Variants in ARHGEF37 observed in about 807,000 individuals in gnomAD.
ARHGEF37 encodes the protein Rho guanine nucleotide exchange factor 37.
Under a neutral mutation model 71.1 loss-of-function variants are expected in ARHGEF37, and 55 were observed. That is an observed-to-expected ratio of 0.77 (90% CI 0.62 to 0.97). The LOEUF (loss-of-function observed/expected upper bound fraction) is 0.97, where lower values mean the gene tolerates loss of function less well. Among genes scored for constraint, ARHGEF37 ranks in the 50% least tolerant of loss-of-function variants. ARHGEF37 has a pLI of 0.00. For missense variants in ARHGEF37, 765 were observed against 836.8 expected (o/e 0.91, Z 1.06); for synonymous variants, 327 against 350.6 (o/e 0.93, Z 0.75).
rs1752435127 is a variant in ARHGEF37 at position 149,618,258 on chromosome 5, C to T, written c.741C>T (p.Thr247=). ...RINTHTLSKK[T]TRLSQLLKQE... is the part of the protein sequence containing the mutation. ...ACACACACACCCTCTCCAAGAAGAC[C>T]ACCCGGCTGAGCCAGCTGCTGAAGC... The change falls in exon 6 of 13, where the codon ACC becomes ACT. Residue 247 remains threonine (T), a synonymous_variant. Transcript: ENST00000333677. 3 of 1,614,108 alleles carry T rather than the reference C, an allele frequency of 1.9e-6. No individual in the cohort carries two copies. The highest frequency in any genetic ancestry group is 1.3e-5 in the African/African-American group (1 of 74,940).
At position 149,621,942 on chromosome 5, in the gene ARHGEF37, G is replaced by C; in HGVS notation, c.1215G>C (p.Glu405Asp). ...CACTCAACTCGCTGCTAGTGGCTGAGCTCCCACAGTTTAACCAGCTGGTCA... is the reference window on the plus strand; with the variant it reads ...CACTCAACTCGCTGCTAGTGGCTGACCTCCCACAGTTTAACCAGCTGGTCA... ...YQALNSLLVA[E>D]LPQFNQLVMQ... The change falls in exon 9 of 13, where the codon GAG (glutamate) becomes GAC (aspartate). Residue 405 changes from glutamate (E) to aspartate (D), a missense_variant. Physicochemically the swap from Glu to Asp is conservative, Grantham distance 45 (BLOSUM62 2). Transcript: ENST00000333677. The C allele has an allele frequency of 1.2e-6, 2 of 1,614,246 alleles. No homozygotes were observed. The highest frequency in any genetic ancestry group is 1.7e-6 in the Non-Finnish European group (2 of 1,180,044).
chr5:149,628,573 T>G (rs779966848), intron 11 of ARHGEF37, among the ~76,000 whole-genome samples: 1 of 152,148 alleles, frequency 6.6e-6, no homozygotes, highest in Non-Finnish European at 1.5e-5. Context: ...CTATCATAGC[T>G]GATCAAAGGG....
chr5:149,566,737 T>A (rs887537100), intron 1 of ARHGEF37, among the ~76,000 whole-genome samples: 2 of 152,180 alleles, frequency 1.3e-5, no homozygotes, highest in Admixed American at 1.3e-4. Context: ...AGGACCAGTT[T>A]ATTCACTTGT....
chr5:149,598,051 A>G, intron 2 of ARHGEF37, 96 bp downstream of exon 2: 1 of 1,388,790 alleles, frequency 7.2e-7, no homozygotes, highest in South Asian at 1.4e-5. Context: ...CAAGCTTGAC[A>G]GAAAGGAAGC....
intron 1 of ARHGEF37, among the ~76,000 whole-genome samples, chr5:149,564,612 G>A: frequency 6.6e-6 from 1 of 152,134 alleles, no homozygotes; most frequent in Non-Finnish European, 1.5e-5. Context: ...ATCACCTGAG[G>A]CCAGGAGTTC....
intron 1 of ARHGEF37, among the ~76,000 whole-genome samples, chr5:149,575,440 T>G (rs1763014935): frequency 1.3e-5 from 2 of 152,356 alleles, no homozygotes; most frequent in Non-Finnish European, 2.9e-5. Context: ...CATGGCTCTA[T>G]GCTCAGGGGA....
At chr5:149,569,350 A>G (rs1160896904) in intron 1 of ARHGEF37, among the ~76,000 whole-genome samples, 2 of 151,812 alleles carry the variant, frequency 1.3e-5, no homozygotes, top group East Asian at 3.9e-4. Context: ...TGGAGGTCTT[A>G]CTCTGTTGAC....
intron 7 of ARHGEF37, 128 bp from the exon 8 acceptor site, chr5:149,620,226 G>C: frequency 1.6e-6 from 1 of 607,488 alleles, no homozygotes; most frequent in Admixed American, 2.9e-5. Context: ...AATCAGCTGT[G>C]TGTGTCCCTC....
chr5:149,627,002 G>A, intron 10 of ARHGEF37, 74 bp from the exon 11 acceptor site: 1 of 1,477,708 alleles, frequency 6.8e-7, no homozygotes, highest in East Asian at 2.3e-5. Flanking sequence ...CTGTCAAAAT[G>A]TGAGCAAATG....
intron 1 of ARHGEF37, among the ~76,000 whole-genome samples, chr5:149,585,744 C>T (rs976177449): frequency 6.6e-6 from 1 of 152,210 alleles, no homozygotes; most frequent in Admixed American, 6.5e-5. Context: ...GTCTCGAACT[C>T]CTGACCTCAA....
chr5:149,572,348 A>G lies in ARHGEF37; in HGVS notation c.-12+20225A>G, dbSNP rs562587316. Among the ~76,000 whole-genome samples, 11 of 152,350 alleles carry G rather than the reference A, an allele frequency of 7.2e-5. No individual in the cohort carries two copies. The South Asian group carries it at 1.0e-3, about 14-fold the overall frequency. On this transcript the variant is annotated intron_variant, in intron 1 of 2. Coordinates refer to the ARHGEF37 transcript ENST00000505810. ...AGTATGTAAATATTGTTAACTTTAC[A>G]TGGTAGTATTTAAGTTACAGGCTAT... is the stretch of plus-strand genomic sequence containing the variant.
rs1752385422 is a variant in ARHGEF37 at position 149,616,549 on chromosome 5, A to G, written c.459-18A>G. The G allele has an allele frequency of 6.3e-7, 1 of 1,593,550 alleles. No individual in the cohort carries two copies. The highest frequency in any genetic ancestry group is 8.6e-7 in the Non-Finnish European group (1 of 1,168,294). The stretch of plus-strand genomic sequence containing the variant: ...AGAGGGTGGGATTTACCTGCCTAAT[A>G]CCAGCCTTCTCCCTCAGGCCGCAAG... On this transcript the variant is annotated intron_variant, in intron 4 of 12. Transcript: ENST00000333677.
intron 1 of ARHGEF37, among the ~76,000 whole-genome samples, chr5:149,575,367 A>T (rs1468446878): frequency 6.6e-6 from 1 of 152,184 alleles, no homozygotes; most frequent in Non-Finnish European, 1.5e-5. Flanking sequence ...TTGGCTGCCT[A>T]CCTAAGAGCA....
chr5:149,589,948 T>C (rs532902621), intron 1 of ARHGEF37, among the ~76,000 whole-genome samples: 1 of 152,188 alleles, frequency 6.6e-6, no homozygotes, highest in Non-Finnish European at 1.5e-5. Context: ...ATTACAGGCA[T>C]GATCCACTGT....
At chr5:149,601,081 C>G in intron 2 of ARHGEF37, 27 bp from the exon 3 acceptor site, 1 of 1,600,692 alleles carries the variant, frequency 6.2e-7, no homozygotes, top group East Asian at 2.2e-5. Context: ...TCCCAACCAC[C>G]TCTCATGGCT....
At chr5:149,573,536 C>G (rs768013565) in intron 1 of ARHGEF37, among the ~76,000 whole-genome samples, 47 of 152,152 alleles carry the variant, frequency 3.1e-4, no homozygotes, top group South Asian at 6.2e-4. Context: ...TGCCCAGTTA[C>G]TCTTCAACTT....
chr5:149,604,575 C>G (rs1040175432), intron 3 of ARHGEF37, among the ~76,000 whole-genome samples: 2 of 152,042 alleles, frequency 1.3e-5, no homozygotes, highest in Non-Finnish European at 2.9e-5. Flanking sequence ...GTGTGCCAGG[C>G]CAGGCTGCTC....
chr5:149,589,643 G>A (rs1176932060), intron 1 of ARHGEF37, among the ~76,000 whole-genome samples: 1 of 152,056 alleles, frequency 6.6e-6, no homozygotes, highest in Non-Finnish European at 1.5e-5. Context: ...GGGATTACAG[G>A]TACCCGCCAT....
chr5:149,552,948 G>A (rs1762703074), intron 1 of ARHGEF37, among the ~76,000 whole-genome samples: 1 of 152,220 alleles, frequency 6.6e-6, no homozygotes, highest in African/African-American at 2.4e-5. Context: ...ACTGAAGAGA[G>A]AGGGGAGGAG....
Sources: gnomAD v4.1 joint callset for allele counts (sites outside exome capture counted in the v4.1 genomes callset) on GRCh38, gnomAD v4.1.1 for gene constraint, MANE v1.5 for transcripts, NCBI Gene and HGNC (gene_info 2026-07-23, HGNC 2026-07-21) for gene names.